The following UGT1A9 variants were observed in gnomAD, a reference collection of about 807,000 sequenced individuals.
The protein encoded by UGT1A9 is UDP glucuronosyltransferase family 1 member A9, also known as UDP-glucuronosyltransferase 1A9.
A neutral mutation model predicts 45.0 loss-of-function variants in UGT1A9; 35 were observed. The observed-to-expected ratio is 0.78, with a 90% CI of 0.59 to 1.03. The LOEUF is 1.03. Ranked by LOEUF, UGT1A9 falls within the 50% of genes least tolerant of loss-of-function variation. The pLI, the probability that UGT1A9 is intolerant of heterozygous loss-of-function variation, is 0.00. For synonymous variants in UGT1A9, 278 were observed against 250.6 expected (o/e 1.11, Z -1.03); for missense variants, 687 against 666.6 (o/e 1.03, Z -0.34).
In UGT1A9 at chr2:233,767,937, G is replaced by T. The variant is rs587784535; in HGVS notation, c.1075+1G>T. Reference sequence around the variant, plus strand: ...TGGCTACCCCAAAACGATCTGCTTGGTATGTTGGGCGGATTGGATGTATAG... The same window carrying T: ...TGGCTACCCCAAAACGATCTGCTTGTTATGTTGGGCGGATTGGATGTATAG... On this transcript the variant is annotated splice_donor_variant, in intron 3 of 4. Coordinates refer to ENST00000354728, the MANE Select transcript of UGT1A9 (RefSeq NM_021027.3). LOFTEE classifies it high-confidence loss of function. 5 of 1,614,210 alleles carry T rather than the reference G, an allele frequency of 3.1e-6. No individual in the cohort carries two copies. The highest frequency in any genetic ancestry group is 4.2e-6 in the Non-Finnish European group (5 of 1,180,052).
At chr2:233,759,078 G>A (rs997941103) in intron 1 of UGT1A9, among the ~76,000 whole-genome samples, 3 of 152,214 alleles carry the variant, frequency 2.0e-5, no homozygotes, top group Non-Finnish European at 4.4e-5. Flanking sequence ...TTGGAAGAAA[G>A]AGACTTTGTT....
intron 1 of UGT1A9, chr2:233,747,180 G>C (rs1336341084): frequency 3.1e-6 from 5 of 1,601,796 alleles, no homozygotes; most frequent in Non-Finnish European, 4.3e-6. Flanking sequence ...CACAGCGTGG[G>C]GTGGACAGTC....
chr2:233,700,353 T>G (rs2075558735), intron 1 of UGT1A9, among the ~76,000 whole-genome samples: 1 of 152,198 alleles, frequency 6.6e-6, no homozygotes, highest in Non-Finnish European at 1.5e-5. Context: ...GTGCTTATCT[T>G]TATGGCTGAT....
At chr2:233,767,675 C>G (rs1273555402) in intron 2 of UGT1A9, among the ~76,000 whole-genome samples, 174 bp from the exon 3 acceptor site, 1 of 152,180 alleles carries the variant, frequency 6.6e-6, no homozygotes, top group Non-Finnish European at 1.5e-5. Context: ...ACTAAACCTC[C>G]AAAACAAGAT....
chr2:233,719,313 C>T (rs745591224), intron 1 of UGT1A9: 2 of 1,613,954 alleles, frequency 1.2e-6, no homozygotes, highest in Non-Finnish European at 8.5e-7. Flanking sequence ...GGCTAAGTAC[C>T]TGTCGATTCC....
chr2:233,747,785 C>T, intron 1 of UGT1A9: 1 of 1,613,494 alleles, frequency 6.2e-7, no homozygotes, highest in Non-Finnish European at 8.5e-7. Context: ...CAAATCCTTC[C>T]TCCTATATTC....
At chr2:233,747,492 C>G (rs1313970709) in intron 1 of UGT1A9, 21 of 1,608,406 alleles carry the variant, frequency 1.3e-5, no homozygotes, top group Non-Finnish European at 1.7e-5. Context: ...TCGCCTTGTG[C>G]TGGGCCACAC....
At chr2:233,698,025 A>G (rs1191813775) in intron 1 of UGT1A9, among the ~76,000 whole-genome samples, 3 of 152,166 alleles carry the variant, frequency 2.0e-5, no homozygotes, top group Non-Finnish European at 2.9e-5. Context: ...GGTACCAATT[A>G]TCTTATTTTT....
intron 1 of UGT1A9, chr2:233,719,472 C>G: frequency 6.2e-7 from 1 of 1,614,022 alleles, no homozygotes; most frequent in Non-Finnish European, 8.5e-7. Context: ...GCTCTACCCT[C>G]TGGCCCTGTC....
chr2:233,673,065 A>G (rs1405138738), intron 1 of UGT1A9, among the ~76,000 whole-genome samples: 1 of 152,220 alleles, frequency 6.6e-6, no homozygotes, highest in African/African-American at 2.4e-5. Flanking sequence ...AAACCACAGT[A>G]AGAAATGAAA....
At chr2:233,680,025 T>C (rs2074471699) in intron 1 of UGT1A9, among the ~76,000 whole-genome samples, 1 of 152,138 alleles carries the variant, frequency 6.6e-6, no homozygotes. Context: ...CTCTCTCTCT[T>C]TTTTCTTTTT....
intron 1 of UGT1A9, among the ~76,000 whole-genome samples, chr2:233,744,197 G>A (rs540976533): frequency 1.3e-5 from 2 of 151,982 alleles, no homozygotes; most frequent in East Asian, 1.9e-4. Flanking sequence ...TCTCCAAAAA[G>A]GATGGGAAAA....
At chr2:233,675,454 G>A (rs2074322313) in intron 1 of UGT1A9, among the ~76,000 whole-genome samples, 2 of 152,278 alleles carry the variant, frequency 1.3e-5, no homozygotes, top group Admixed American at 6.5e-5. Flanking sequence ...TTCAGGCTTT[G>A]TCTATACCAT....
At chr2:233,717,803 A>G (rs1343545824) in intron 1 of UGT1A9, 2 of 456,012 alleles carry the variant, frequency 4.4e-6, no homozygotes, top group South Asian at 3.1e-5. Flanking sequence ...TAGTGCCCCC[A>G]CAAATTATGC....
chr2:233,767,370 A>G (rs1265140795), intron 2 of UGT1A9, among the ~76,000 whole-genome samples: 1 of 152,186 alleles, frequency 6.6e-6, no homozygotes, highest in Non-Finnish European at 1.5e-5. Context: ...CTATTAAACT[A>G]TGATCCACCA....
intron 1 of UGT1A9, among the ~76,000 whole-genome samples, chr2:233,737,121 G>T (rs11684169): frequency 0.034 from 5,131 of 152,320 alleles, 100 homozygotes; most frequent in African/African-American, 0.051. Context: ...ATGTTCAGAA[G>T]TTGTCTGCTG....
intron 1 of UGT1A9, among the ~76,000 whole-genome samples, chr2:233,708,270 A>G (rs2076010926): frequency 6.6e-6 from 1 of 152,224 alleles, no homozygotes; most frequent in African/African-American, 2.4e-5. Flanking sequence ...TCCTTGCCAC[A>G]TGTATTATCA....
intron 1 of UGT1A9, among the ~76,000 whole-genome samples, chr2:233,737,542 G>A (rs1380608470): frequency 6.6e-6 from 1 of 152,180 alleles, no homozygotes; most frequent in East Asian, 1.9e-4. Flanking sequence ...CCCTGCTTCG[G>A]CTTGCCCTCA....
chr2:233,725,249 G>GGAGGCAGAGGCAGAGGAGGCAGAGGCA (rs1559370464), intron 1 of UGT1A9, among the ~76,000 whole-genome samples: 1 of 48,520 alleles, frequency 2.1e-5, no homozygotes, highest in Non-Finnish European at 3.8e-5. Context: ...CAGAGGCAGA[G>GGAGGCAGAGGCAGAGGAGGCAGAGGCA]GAGGCAGAGG....
Sources: gnomAD v4.1 joint callset for allele counts (sites outside exome capture counted in the v4.1 genomes callset) on GRCh38, gnomAD v4.1.1 for gene constraint, MANE v1.5 for transcripts, NCBI Gene and HGNC (gene_info 2026-07-23, HGNC 2026-07-21) for gene names.